RDH13: variants seen among roughly 807,000 people sequenced by gnomAD.
The protein encoded by RDH13 is retinol dehydrogenase 13 (all-trans and 9-cis).
RDH13 carries 35 observed loss-of-function variants against 28.3 expected under a neutral mutation model. The observed-to-expected ratio is 1.24, with a 90% CI of 0.95 to 1.64. RDH13 has a LOEUF of 1.64. Ranked by LOEUF, RDH13 falls within the 40% of genes most tolerant of loss-of-function variation. RDH13 has a pLI of 0.00. For synonymous variants in RDH13, 229 were observed against 198.5 expected, an observed-to-expected ratio of 1.15 and a Z score of -1.29; for missense variants, 514 against 446.3, an observed-to-expected ratio of 1.15 and a Z score of -1.37.
chr19:55,060,438 A>G lies in RDH13; in HGVS notation c.66-1163T>C, dbSNP rs535476248. Among the ~76,000 whole-genome samples, 11 of 152,276 alleles carry G rather than the reference A, an allele frequency of 7.2e-5. No homozygotes were observed. The South Asian group carries it at 1.0e-3, about 14-fold the overall frequency. On this transcript the variant is annotated intron_variant, in intron 1 of 6. Coordinates refer to ENST00000415061, the MANE Select transcript of RDH13 (RefSeq NM_001145971.2). Reference sequence around the variant, plus strand: ...TTATGTCATAGATTCTTTTGCTCACATGGTTTTTGCTGACCTCATTATCAC... The same window carrying G: ...TTATGTCATAGATTCTTTTGCTCACGTGGTTTTTGCTGACCTCATTATCAC...
chr19:55,048,090 G>C (rs1295553308), intron 5 of RDH13: 1 of 1,505,994 alleles, frequency 6.6e-7, no homozygotes, highest in African/African-American at 1.4e-5. Flanking sequence ...CAGCAGCAGG[G>C]AAGGACATCT....
In RDH13 at chr19:55,044,892, G is replaced by T; in HGVS notation, c.*182C>A. 1 of 570,884 alleles carries T rather than the reference G, an allele frequency of 1.8e-6. No homozygotes were observed. The highest frequency in any genetic ancestry group is 3.1e-6 in the Non-Finnish European group (1 of 322,382). The allele number at this position is 570,884 out of a possible 1,614,324, so 35.4% of individuals were successfully genotyped here. On this transcript the variant is annotated 3_prime_UTR_variant, in exon 7 of 7. Transcript: ENST00000415061. Reference sequence around the variant, plus strand: ...AGCAGACGGAACCAGCCAGAGCCCAGGGCAGTGCTCACCTGCAGGCCAGTC... The same window carrying T: ...AGCAGACGGAACCAGCCAGAGCCCATGGCAGTGCTCACCTGCAGGCCAGTC...
chr19:55,053,583 G>A lies in RDH13; in HGVS notation c.340+3070C>T, dbSNP rs560739140. The stretch of plus-strand genomic sequence containing the variant: ...GAGGCAGGAGAATGGCATGAACCCG[G>A]GAGGCGGAGCTTGGAGTGAGCCGAG... On this transcript the variant is annotated intron_variant, in intron 3 of 6. Coordinates refer to ENST00000415061, the MANE Select transcript of RDH13 (RefSeq NM_001145971.2). Among the ~76,000 whole-genome samples the A allele has an allele frequency of 8.5e-5, 13 of 152,098 alleles. No individual in the cohort carries two copies. In the South Asian group the frequency reaches 2.5e-3, roughly 29 times the overall value.
chr19:55,048,624 T>C (rs1395187532), intron 4 of RDH13, 35 bp downstream of exon 4: 5 of 1,611,522 alleles, frequency 3.1e-6, no homozygotes, highest in African/African-American at 1.3e-5. Flanking sequence ...GGAGGATCGC[T>C]TGAACCCATG....
Position 55,050,125 on chromosome 19 carries a change from TG to T in RDH13, c.341-1363del, listed in dbSNP as rs33938316. The stretch of plus-strand genomic sequence containing the variant: ...TGCCCCCAGCCTATTTTTTTTTTTT[TG>T]GGGGGGGGAGATGGAGTTTCACTCT... On this transcript the variant is annotated intron_variant, in intron 3 of 6. Coordinates refer to ENST00000415061, the MANE Select transcript of RDH13 (RefSeq NM_001145971.2). Among the ~76,000 whole-genome samples, 242 of 47,310 alleles carry T rather than the reference TG, an allele frequency of 5.1e-3. 1 individual carries two copies. Among genetic ancestry groups the T allele is most frequent in the South Asian group, 0.027 (35 of 1,300 alleles). The allele number at this position is 47,310 out of a possible 152,430, so 31.0% of individuals were successfully genotyped here.
chr19:55,064,705 T>C (rs535005874), upstream of RDH13, among the ~76,000 whole-genome samples: 7,399 of 149,262 alleles, frequency 0.05, 211 homozygotes, highest in Non-Finnish European at 0.064. Context: ...CTCTGCCTCC[T>C]AGGTTCAAGC....
At chr19:55,039,376 A>G (rs2146945805), downstream of RDH13, 1 of 152,328 alleles carries the variant, frequency 6.6e-6, no homozygotes, top group Admixed American at 6.5e-5. Flanking sequence ...TACTAAAAAT[A>G]CAAAAATTAG....
Position 55,044,849 on chromosome 19 carries a change from C to T in RDH13, c.*225G>A, listed in dbSNP as rs1759991801. 2 of 487,698 alleles carry T rather than the reference C, an allele frequency of 4.1e-6. No individual in the cohort carries two copies. The allele number at this position is 487,698 out of a possible 1,614,324, so 30.2% of individuals were successfully genotyped here. A position where few individuals can be genotyped will look rare whatever the true frequency, so the allele number is the denominator to read the frequency against. On this transcript the variant is annotated 3_prime_UTR_variant, in exon 7 of 7. Coordinates refer to ENST00000415061, the MANE Select transcript of RDH13 (RefSeq NM_001145971.2). Reference sequence around the variant, plus strand: ...CCAGGGGAAGCATCAGATGGCCCCTCTCCCCTGCTGGCAGCAGAGCAGACG... The same window carrying T: ...CCAGGGGAAGCATCAGATGGCCCCTTTCCCCTGCTGGCAGCAGAGCAGACG...
At chr19:55,042,399 GTTC>G (rs2146967266), downstream of RDH13, 1 of 152,274 alleles carries the variant, frequency 6.6e-6, no homozygotes, top group Non-Finnish European at 1.5e-5. Context: ...GGTTCAAGCA[GTTC>G]TTCTGCCTCA....
chr19:55,048,622 G>C, intron 4 of RDH13, 37 bp downstream of exon 4: 1 of 1,609,518 alleles, frequency 6.2e-7, no homozygotes, highest in Non-Finnish European at 8.5e-7. Context: ...GGGGAGGATC[G>C]CTTGAACCCA....
At chr19:55,060,308 C>T (rs1157133709) in intron 1 of RDH13, among the ~76,000 whole-genome samples, 1 of 150,942 alleles carries the variant, frequency 6.6e-6, no homozygotes, top group African/African-American at 2.5e-5. Flanking sequence ...ATGTTTACAG[C>T]AATGCTGCCT....
chr19:55,050,131 G>A (rs929131834), intron 3 of RDH13, among the ~76,000 whole-genome samples: 20 of 151,082 alleles, frequency 1.3e-4, no homozygotes, highest in African/African-American at 4.4e-4. Context: ...TTTTTGGGGG[G>A]GGGAGATGGA....
chr19:55,050,277 G>T (rs1276325751), intron 3 of RDH13, among the ~76,000 whole-genome samples: 1 of 151,630 alleles, frequency 6.6e-6, no homozygotes, highest in Admixed American at 6.6e-5. Context: ...CACCACACCG[G>T]GTTAATTTTT....
chr19:55,065,853 G>T (rs1308658499), upstream of RDH13, among the ~76,000 whole-genome samples: 1 of 152,180 alleles, frequency 6.6e-6, no homozygotes, highest in Non-Finnish European at 1.5e-5. Context: ...GAGTAGCTGG[G>T]ATTACAGGCG....
Position 55,063,128 on chromosome 19 carries a change from G to A in RDH13, c.-96C>T, listed in dbSNP as rs10417529. On this transcript the variant is annotated 5_prime_UTR_variant, in exon 1 of 7. Transcript: ENST00000415061. ...GCTCCGAGGAAGAGCGCGCGACGCA[G>A]CCACAGGCGAGCGGAGGCGCAGGCG... 41,686 of 1,153,194 alleles carry A rather than the reference G, an allele frequency of 0.036. 2,311 individuals are homozygous for A. The highest frequency in any genetic ancestry group is 0.25 in the African/African-American group (15,473 of 62,520). 71.4% of individuals were successfully genotyped at this position (1,153,194 alleles called of 1,614,324 possible).
chr19:55,052,876 A>T (rs549072842), intron 3 of RDH13, among the ~76,000 whole-genome samples: 4 of 151,734 alleles, frequency 2.6e-5, no homozygotes, highest in East Asian at 2.0e-4. Flanking sequence ...GTTGGCCAGG[A>T]TGGTCTCGAT....
chr19:55,058,938 C>T (rs1225353488), intron 2 of RDH13, among the ~76,000 whole-genome samples: 1 of 152,244 alleles, frequency 6.6e-6, no homozygotes, highest in Non-Finnish European at 1.5e-5. Context: ...TTTGGCCTCC[C>T]AAAGTACTGA....
At position 55,059,921 on chromosome 19, in the gene RDH13, A is replaced by G. The variant is rs114569149; in HGVS notation, c.66-646T>C. Among the ~76,000 whole-genome samples the G allele has an allele frequency of 9.9e-3, 1,501 of 152,296 alleles. 42 individuals carry two copies. The highest frequency in any genetic ancestry group is 0.034 in the African/African-American group (1,418 of 41,558). ...GTGCAGGAAGTGCCTTGTTAACACA[A>G]TGTTTCCAAGCAGTATACTTGGTAA... On this transcript the variant is annotated intron_variant, in intron 1 of 6. Coordinates refer to ENST00000415061, the MANE Select transcript of RDH13 (RefSeq NM_001145971.2).
chr19:55,064,616 T>TTTG (rs903267415), upstream of RDH13, among the ~76,000 whole-genome samples: 1 of 150,646 alleles, frequency 6.6e-6, no homozygotes, highest in African/African-American at 2.4e-5. Flanking sequence ...TGTTTGTTTG[T>TTTG]TTTGTTTTGT....
Sources: gnomAD v4.1 joint callset for allele counts (sites outside exome capture counted in the v4.1 genomes callset) on GRCh38, gnomAD v4.1.1 for gene constraint, MANE v1.5 for transcripts, NCBI Gene and HGNC (gene_info 2026-07-23, HGNC 2026-07-21) for gene names.